GSTM4: variants seen among roughly 807,000 people sequenced by gnomAD.
GSTM4 encodes GST class-mu 4.
A neutral mutation model predicts 30.1 loss-of-function variants in GSTM4; 27 were observed. The ratio of observed to expected loss-of-function variants is 0.90; its 90% CI spans 0.66 to 1.24. The LOEUF is 1.24. Among genes scored for constraint, GSTM4 ranks in the 50% most tolerant of loss-of-function variants. The probability of loss-of-function intolerance (pLI) is 0.00; values close to 1 mark genes in which losing one functional copy is unlikely to be tolerated. For synonymous variants in GSTM4, 94 were observed against 96.2 expected (o/e 0.98, Z 0.13); for missense variants, 238 against 272.1 (o/e 0.87, Z 0.88).
rs1652295267 is a variant in GSTM4, at chr1:109,661,173, G to A, written c.576G>A (p.Glu192=). 1 of 1,612,496 alleles carries A rather than the reference G, an allele frequency of 6.2e-7. No individual in the cohort carries two copies. The highest frequency in any genetic ancestry group is 1.7e-5 in the Admixed American group (1 of 59,984). ...ATTTTCCCCCCTCTCAGGGCTTGGA[G>A]AAGATCTCTGCCTACATGAAGTCCA... The part of the protein sequence containing the change: ...KDFISRFEGL[E]KISAYMKSSR... The change falls in exon 8 of 8, where the codon GAG becomes GAA. Residue 192 remains glutamate (E), a synonymous_variant. Coordinates refer to ENST00000369836, the MANE Select transcript of GSTM4 (RefSeq NM_000850.5).
rs3211190 is a variant in GSTM4 at position 109,656,393 on chromosome 1, T to C, written c.4T>C (p.Ser2Pro). 2 of 1,613,412 alleles carry C rather than the reference T, an allele frequency of 1.2e-6. No individual in the cohort carries two copies. Among genetic ancestry groups the C allele is most frequent in the African/African-American group, 2.7e-5 (2 of 74,888 alleles). Residue 2 changes from serine (S) to proline (P), a missense_variant, in exon 1 of 8, where the codon TCC (serine) becomes CCC (proline). Ser to Pro is a moderately conservative substitution (Grantham distance 74). Transcript: ENST00000369836. M[S>P]MTLGYWDIRG... ...AGAATCGACACCAACCAGCATCATG[T>C]CCATGACACTGGGGTACTGGGACAT...
chr1:109,658,510 G>C, intron 5 of GSTM4: 1 of 384,232 alleles, frequency 2.6e-6, no homozygotes, highest in Non-Finnish European at 4.7e-6. Flanking sequence ...GCTCATGTCT[G>C]GGTCCAGAGC....
At chr1:109,657,499 G>A in intron 3 of GSTM4, 91 bp from the exon 4 acceptor site, 3 of 1,574,584 alleles carry the variant, frequency 1.9e-6, no homozygotes, top group Middle Eastern at 1.8e-4. Context: ...CACAGTGAGT[G>A]CCTGGTCTCC....
chr1:109,661,852 G>T (rs564527248), downstream of GSTM4: 86 of 272,748 alleles, frequency 3.2e-4, 1 homozygote, highest in Middle Eastern at 3.5e-3. Flanking sequence ...TTTTTTTTTT[G>T]AAATAAGGTC....
In GSTM4 at chr1:109,661,443, T is replaced by G. The variant is rs1652315091; in HGVS notation, c.*189T>G. 1 of 1,442,092 alleles carries G rather than the reference T, an allele frequency of 6.9e-7. No individual in the cohort carries two copies. Among genetic ancestry groups the G allele is most frequent in the African/African-American group, 1.4e-5 (1 of 70,034 alleles). The allele number at this position is 1,442,092 out of a possible 1,614,324, so 89.3% of individuals were successfully genotyped here. A position where few individuals can be genotyped will look rare whatever the true frequency, so the allele number is the denominator to read the frequency against. ...CTAAACCCCTGTCCCATGCAGGCCC[T>G]TTGAAGCCTCAGCTACCCACTTTCC... On this transcript the variant is annotated 3_prime_UTR_variant, in exon 8 of 8. Coordinates refer to ENST00000369836, the MANE Select transcript of GSTM4 (RefSeq NM_000850.5).
At chr1:109,664,895 C>T (rs1570624194), downstream of GSTM4, 3 of 1,058,372 alleles carry the variant, frequency 2.8e-6, no homozygotes, top group Admixed American at 3.4e-5. Context: ...TCTCTGTTTA[C>T]CCATTCTCTA....
rs767151964 is a variant in GSTM4 at position 109,661,162 on chromosome 1, C to G, written c.568-3C>G. 1.2e-6 allele frequency: 2 copies of G among 1,612,928 alleles called. No individual in the cohort carries two copies. Among genetic ancestry groups the G allele is most frequent in the South Asian group, 1.1e-5 (1 of 91,082 alleles). ...GTTCTGGCCTTATTTTCCCCCCTCT[C>G]AGGGCTTGGAGAAGATCTCTGCCTA... is the stretch of plus-strand genomic sequence containing the variant. On this transcript the variant is annotated splice_polypyrimidine_tract_variant and splice_region_variant and intron_variant, in intron 7 of 7. Coordinates refer to ENST00000369836, the MANE Select transcript of GSTM4 (RefSeq NM_000850.5).
intron 7 of GSTM4, chr1:109,659,712 T>A: frequency 2.5e-6 from 1 of 397,438 alleles, no homozygotes; most frequent in Middle Eastern, 4.6e-4. Flanking sequence ...GTGCCCCTGT[T>A]GAAGGAGTGT....
intron 1 of GSTM4, 102 bp from the exon 2 acceptor site, chr1:109,656,610 G>GA: frequency 2.7e-6 from 2 of 747,082 alleles, no homozygotes. Flanking sequence ...GGGTGGGGGG[G>GA]GGGTGCAGTG....
At chr1:109,663,899 A>G (rs1372455766), downstream of GSTM4, among the ~76,000 whole-genome samples, 1 of 152,228 alleles carries the variant, frequency 6.6e-6, no homozygotes, top group African/African-American at 2.4e-5. Flanking sequence ...TGCTCACTGA[A>G]TAGTTATTAG....
chr1:109,667,495 A>T (rs565165886), downstream of GSTM4, among the ~76,000 whole-genome samples: 2 of 152,128 alleles, frequency 1.3e-5, no homozygotes, highest in East Asian at 3.9e-4. Context: ...CCCTAGGAGC[A>T]CAGCACCACT....
At chr1:109,665,618 A>G (rs777041021), downstream of GSTM4, 2 of 152,322 alleles carry the variant, frequency 1.3e-5, no homozygotes, top group African/African-American at 2.4e-5. Flanking sequence ...CTCATCATCA[A>G]TAAGTTTTAA....
Position 109,659,038 on chromosome 1 carries a change from C to T in GSTM4, c.495C>T (p.Asp165=). 2 of 1,614,216 alleles carry T rather than the reference C, an allele frequency of 1.2e-6. No individual in the cohort carries two copies. The highest frequency in any genetic ancestry group is 8.5e-7 in the Non-Finnish European group (1 of 1,180,050). ...FVDFLAYDVL[D]LHRIFEPNCL... is the part of the protein sequence containing the mutation. ...ATTTCCTCGCCTATGATGTCCTTGA[C>T]CTCCACCGTATATTTGAGCCCAACT... The change falls in exon 7 of 8, where the codon GAC becomes GAT. Residue 165 remains aspartate (D), a synonymous_variant. Coordinates refer to ENST00000369836, the MANE Select transcript of GSTM4 (RefSeq NM_000850.5).
chr1:109,658,043 C>T (rs1262170957), intron 5 of GSTM4, 171 bp downstream of exon 5: 4 of 619,610 alleles, frequency 6.5e-6, no homozygotes, highest in Non-Finnish European at 1.1e-5. Context: ...AAATCAGTCC[C>T]CACCAATCAT....
downstream of GSTM4, among the ~76,000 whole-genome samples, chr1:109,667,284 G>A (rs638820): frequency 0.52 from 79,009 of 151,046 alleles, 20,814 homozygotes; most frequent in East Asian, 0.66. Flanking sequence ...TAATATTTGT[G>A]TATGTCTGTC....
chr1:109,659,355 C>T (rs913804555), intron 7 of GSTM4: 4 of 1,499,434 alleles, frequency 2.7e-6, no homozygotes, highest in Non-Finnish European at 3.6e-6. Context: ...AGGGTCAGTC[C>T]TTTGTTCTGG....
chr1:109,660,783 C>A (rs1652274922), intron 7 of GSTM4: 1 of 260,600 alleles, frequency 3.8e-6, no homozygotes, highest in Non-Finnish European at 7.4e-6. Context: ...GCTCTGTCCC[C>A]CTTAGTAGCT....
At chr1:109,666,875 G>A (rs1331135349), downstream of GSTM4, among the ~76,000 whole-genome samples, 2 of 152,064 alleles carry the variant, frequency 1.3e-5, no homozygotes, top group East Asian at 1.9e-4. Flanking sequence ...ACAGGCACCC[G>A]CCACCAGGCC....
intron 5 of GSTM4, 138 bp downstream of exon 5, chr1:109,658,010 T>A: frequency 1.5e-6 from 1 of 687,218 alleles, no homozygotes; most frequent in Non-Finnish European, 2.5e-6. Context: ...GTCATATCAT[T>A]AAACTTATAA....
Sources: allele counts gnomAD v4.1 joint callset (sites outside exome capture counted in the v4.1 genomes callset), GRCh38; gene constraint gnomAD v4.1.1; transcripts MANE v1.5; gene names NCBI Gene and HGNC (gene_info 2026-07-23, HGNC 2026-07-21).